GRK3: variants seen among roughly 807,000 people sequenced by gnomAD.
The protein encoded by GRK3 is adrenergic, beta, receptor kinase 2.
In GRK3, 54 loss-of-function variants were observed where a neutral mutation model predicts 95.7. That is an observed-to-expected ratio of 0.56 (90% CI 0.45 to 0.71). The LOEUF is 0.71. Ranked by LOEUF, GRK3 falls within the 30% of genes least tolerant of loss-of-function variation. GRK3 has a pLI of 0.00. For missense variants in GRK3, 649 were observed against 851.2 expected, an observed-to-expected ratio of 0.76 and a Z score of 2.96; for synonymous variants, 281 against 290.8, an observed-to-expected ratio of 0.97 and a Z score of 0.34.
intron 2 of GRK3, among the ~76,000 whole-genome samples, chr22:25,612,864 AT>A (rs1447247553): frequency 1.3e-5 from 2 of 151,596 alleles, no homozygotes; most frequent in Middle Eastern, 3.2e-3. Context: ...AAAAAAAAAA[AT>A]CTGAGCAGTT....
chr22:25,607,734 AC>A (rs2084462601), intron 2 of GRK3, among the ~76,000 whole-genome samples: 1 of 145,606 alleles, frequency 6.9e-6, no homozygotes. Flanking sequence ...GCACCACCAT[AC>A]CCAGCTAATT....
chr22:25,714,517 A>T lies in GRK3; in HGVS notation c.1601A>T (p.Asp534Val). Residue 534 changes from aspartate (D) to valine (V), a missense_variant, in exon 18 of 21, where the codon GAT becomes GTT. This residue lies in a region of GRK3 where 382 missense variants were observed against 493.8 expected (regional missense o/e 0.77). Transcript: ENST00000324198. ...TATGAAGCAGTAAATGCAGACACAG[A>T]TAAAATCGAGGCCAGGAAGAGAGCT... Reference protein sequence around the residue: ...TVYEAVNADTDKIEARKRAKN... With the variant: ...TVYEAVNADTVKIEARKRAKN... 1.2e-6 allele frequency: 2 copies of T among 1,613,666 alleles called. No homozygotes were observed. The highest frequency in any genetic ancestry group is 1.7e-6 in the Non-Finnish European group (2 of 1,179,824).
intron 1 of GRK3, among the ~76,000 whole-genome samples, chr22:25,572,177 G>A (rs1003586388): frequency 7.2e-5 from 11 of 152,090 alleles, no homozygotes; most frequent in African/African-American, 2.2e-4. Context: ...TCCCTACAAA[G>A]GACATAAACT....
intron 2 of GRK3, among the ~76,000 whole-genome samples, chr22:25,623,365 A>T (rs2084601352): frequency 6.6e-6 from 1 of 152,188 alleles, no homozygotes. Context: ...CCCGCCGTGT[A>T]AGCCCCTGCC....
chr22:25,673,637 G>C (rs1196219877), intron 7 of GRK3, among the ~76,000 whole-genome samples: 6 of 152,058 alleles, frequency 3.9e-5, no homozygotes, highest in African/African-American at 1.4e-4. Flanking sequence ...TTTTAAGGTT[G>C]TTTGGGGGAG....
At position 25,622,474 on chromosome 22, in the gene GRK3, C is replaced by G. The variant is rs117304591; in HGVS notation, c.190+18021C>G. On this transcript the variant is annotated intron_variant, in intron 2 of 20. Coordinates refer to ENST00000324198, the MANE Select transcript of GRK3 (RefSeq NM_005160.4). The stretch of plus-strand genomic sequence containing the variant: ...GTGATCAGGGGATCATGTGGAGCAG[C>G]GTCGTCATCAGCCAGGGCAAGAGGG... Among the ~76,000 whole-genome samples the G allele has an allele frequency of 8.4e-3, 1,274 of 152,262 alleles. 8 individuals are homozygous for G. The highest frequency in any genetic ancestry group is 0.015 in the Non-Finnish European group (1,003 of 68,008).
intron 1 of GRK3, among the ~76,000 whole-genome samples, chr22:25,584,639 G>A (rs1932229230): frequency 6.6e-6 from 1 of 152,288 alleles, no homozygotes; most frequent in Non-Finnish European, 1.5e-5. Flanking sequence ...TGTTATAATT[G>A]TTCTATTAGC....
chr22:25,571,993 G>T (rs1931714267), intron 1 of GRK3, among the ~76,000 whole-genome samples: 1 of 151,970 alleles, frequency 6.6e-6, no homozygotes, highest in Admixed American at 6.6e-5. Context: ...TTCTCCCAAT[G>T]CTATCCCTAC....
chr22:25,653,870 G>C (rs549424044), intron 3 of GRK3, among the ~76,000 whole-genome samples: 1 of 152,190 alleles, frequency 6.6e-6, no homozygotes, highest in African/African-American at 2.4e-5. Context: ...TGTATTTTTA[G>C]TAGAGACGGG....
intron 1 of GRK3, among the ~76,000 whole-genome samples, chr22:25,597,521 A>G (rs1336806550): frequency 1.3e-5 from 2 of 152,192 alleles, no homozygotes; most frequent in Non-Finnish European, 2.9e-5. Flanking sequence ...ATCACTATGC[A>G]TCGTATGTAT....
chr22:25,728,561 TC>T lies in GRK3; in HGVS notation c.*6115del, dbSNP rs1304028256. ...CATTCCTTCCCCTTATTGTGCCAAA[TC>T]CCCACCATCAGCCTTGCCATTGCCT... On this transcript the variant is annotated 3_prime_UTR_variant, in exon 21 of 21. Coordinates refer to ENST00000324198, the MANE Select transcript of GRK3 (RefSeq NM_005160.4). 1.3e-5 allele frequency: 2 copies of T among 152,144 alleles called. 1 individual carries two copies. 9.4% of individuals were successfully genotyped at this position (152,144 alleles called of 1,614,324 possible).
intron 1 of GRK3, among the ~76,000 whole-genome samples, chr22:25,571,466 T>C (rs1931697443): frequency 6.6e-6 from 1 of 152,150 alleles, no homozygotes; most frequent in South Asian, 2.1e-4. Context: ...AAATTACCCA[T>C]ATTGAATTTC....
At chr22:25,655,175 C>A (rs2146394962) in intron 3 of GRK3, among the ~76,000 whole-genome samples, 2 of 152,240 alleles carry the variant, frequency 1.3e-5, no homozygotes, top group East Asian at 3.9e-4. Context: ...TTTCCACTTT[C>A]CTGTGTCCCC....
intron 8 of GRK3, among the ~76,000 whole-genome samples, chr22:25,678,447 C>T (rs2085049702): frequency 6.6e-6 from 1 of 151,918 alleles, no homozygotes; most frequent in African/African-American, 2.4e-5. Flanking sequence ...GAGTGAGACT[C>T]TGTCTCAAAA....
intron 4 of GRK3, among the ~76,000 whole-genome samples, chr22:25,663,077 A>G (rs1177813421): frequency 6.6e-6 from 1 of 152,100 alleles, no homozygotes; most frequent in Non-Finnish European, 1.5e-5. Flanking sequence ...TTACAACCCC[A>G]TTATCAGTTT....
chr22:25,677,159 G>A lies in GRK3; in HGVS notation c.648-1657G>A, dbSNP rs151263583. On this transcript the variant is annotated intron_variant, in intron 8 of 20. Transcript: ENST00000324198. ...GAGGATTGCTTGAGGACAGGAGTTC[G>A]AGACCAGCCTGGACAACATAATGAG... 7.4e-3 allele frequency among the ~76,000 whole-genome samples: 1,122 copies of A among 152,120 alleles called. 10 individuals are homozygous for A. Among genetic ancestry groups the A allele is most frequent in the Non-Finnish European group, 0.012 (806 of 67,980 alleles).
chr22:25,593,419 T>C (rs958139509), intron 1 of GRK3, among the ~76,000 whole-genome samples: 1 of 152,116 alleles, frequency 6.6e-6, no homozygotes. Context: ...AGATGGTATC[T>C]CATGGTGGTT....
rs200525151 is a variant in GRK3, at chr22:25,722,389, G to T, written c.2006G>T (p.Arg669Leu). The change falls in exon 21 of 21, where the codon CGG becomes CTG. Residue 669 changes from arginine (R) to leucine (L), a missense_variant. Around this residue, in one of 3 missense-constraint regions of GRK3, gnomAD observed 382 missense variants for 493.8 expected, o/e 0.77. Transcript: ENST00000324198. The stretch of plus-strand genomic sequence containing the variant: ...GCCCCGAAGTTCCTCAACAAACCTC[G>T]GTCAGGTACTGTGGAGCTCCCAAAG... ...RRAPKFLNKPRSGTVELPKPS... is the reference protein window; with the variant it reads ...RRAPKFLNKPLSGTVELPKPS... 2.5e-6 allele frequency: 4 copies of T among 1,614,032 alleles called. No individual in the cohort carries two copies. The highest frequency in any genetic ancestry group is 1.7e-5 in the Admixed American group (1 of 59,996).
rs1484431951 is a variant in GRK3 at position 25,722,481 on chromosome 22, G to A, written c.*31G>A. Reference sequence around the variant, plus strand: ...AGAAACAGGGAGGGTCCTCGAGGAGGACACACCAGGGTCTCAGCCTTTTGG... The same window carrying A: ...AGAAACAGGGAGGGTCCTCGAGGAGAACACACCAGGGTCTCAGCCTTTTGG... On this transcript the variant is annotated 3_prime_UTR_variant, in exon 21 of 21. Transcript: ENST00000324198. 1.2e-6 allele frequency: 2 copies of A among 1,610,792 alleles called. No homozygotes were observed. The highest frequency in any genetic ancestry group is 2.2e-5 in the East Asian group (1 of 44,816).
Sources: allele counts gnomAD v4.1 joint callset (sites outside exome capture counted in the v4.1 genomes callset), GRCh38; gene constraint gnomAD v4.1.1; regional missense constraint gnomAD v4.1.1; transcripts MANE v1.5; gene names NCBI Gene and HGNC (gene_info 2026-07-23, HGNC 2026-07-21).